The following CDC123 variants were observed in gnomAD, a reference collection of about 807,000 sequenced individuals.
The protein encoded by CDC123 is translation initiation factor eIF2 assembly protein.
A neutral mutation model predicts 54.4 loss-of-function variants in CDC123; 37 were observed. The ratio of observed to expected loss-of-function variants is 0.68; its 90% confidence interval spans 0.52 to 0.89. The LOEUF (loss-of-function observed/expected upper bound fraction) is 0.89. CDC123 is among the 40% of genes least tolerant of loss of function. CDC123 has a pLI of 0.00. For missense variants in CDC123, 361 were observed against 412.1 expected (o/e 0.88, Z 1.07); for synonymous variants, 144 against 136.8 (o/e 1.05, Z -0.37).
rs544703439 is a variant in CDC123 at position 12,218,531 on chromosome 10, G to A, written c.440+1064G>A. Among the ~76,000 whole-genome samples, 10 of 152,246 alleles carry A rather than the reference G, an allele frequency of 6.6e-5. No homozygotes were observed. The South Asian group carries it at 1.2e-3, about 19-fold the overall frequency. On this transcript the variant is annotated intron_variant, in intron 6 of 12. Transcript: ENST00000281141. ...TAGGCTTACAGGTGTGAGCCACCACGCCAAGCCTGTGGTTTATATTTCTTA... is the reference window on the plus strand; with the variant it reads ...TAGGCTTACAGGTGTGAGCCACCACACCAAGCCTGTGGTTTATATTTCTTA...
At position 12,236,548 on chromosome 10, in the gene CDC123, A is replaced by G. The variant is rs377627431; in HGVS notation, c.566-596A>G. Among the ~76,000 whole-genome samples, 40 of 151,242 alleles carry G rather than the reference A, an allele frequency of 2.6e-4. No individual in the cohort carries two copies. The East Asian group carries it at 5.7e-3, about 22-fold the overall frequency. On this transcript the variant is annotated intron_variant, in intron 8 of 12. Transcript: ENST00000281141. ...CAGAAAGTGGAGGTTGTAATAAGCT[A>G]TGATTGTGCCACTGTACCCCAGCCT...
chr10:12,222,347 C>T (rs947209960), intron 6 of CDC123, among the ~76,000 whole-genome samples: 7 of 152,118 alleles, frequency 4.6e-5, no homozygotes, highest in Middle Eastern at 3.2e-3. Flanking sequence ...TGGCCGGGCG[C>T]GGTGGCTCAC....
rs567368804 is a variant in CDC123 at position 12,232,728 on chromosome 10, T to G, written c.489+1732T>G. Reference sequence around the variant, plus strand: ...CTTCACGCAACGAACATCTGTCTATTAAGTACCTGGCTGTGGTGCTTTCTG... The same window carrying G: ...CTTCACGCAACGAACATCTGTCTATGAAGTACCTGGCTGTGGTGCTTTCTG... On this transcript the variant is annotated intron_variant, in intron 7 of 12. Transcript: ENST00000281141. Among the ~76,000 whole-genome samples, 131 of 152,244 alleles carry G rather than the reference T, an allele frequency of 8.6e-4. 1 individual carries two copies. Among genetic ancestry groups the G allele is most frequent in the African/African-American group, 3.1e-3 (130 of 41,562 alleles).
chr10:12,212,931 G>C (rs1351783817), intron 4 of CDC123, among the ~76,000 whole-genome samples: 1 of 152,142 alleles, frequency 6.6e-6, no homozygotes, highest in Non-Finnish European at 1.5e-5. Context: ...TATAAGAATA[G>C]GTTATGACCT....
intron 6 of CDC123, among the ~76,000 whole-genome samples, chr10:12,230,424 C>A (rs986276277): frequency 6.6e-6 from 1 of 152,166 alleles, no homozygotes; most frequent in Non-Finnish European, 1.5e-5. Context: ...AACTCCTGAC[C>A]TCAAGTGATC....
At chr10:12,198,881 C>G (rs1274367788) in intron 2 of CDC123, 105 bp downstream of exon 2, 3 of 682,598 alleles carry the variant, frequency 4.4e-6, no homozygotes, top group Non-Finnish European at 7.9e-6. Context: ...CTTTTTCTCT[C>G]CTAGCCAAAA....
rs766899256 is a variant in CDC123, at chr10:12,249,561, CCTTTTT to C, written c.847-16_847-11del. The C allele has an allele frequency of 1.5e-5, 24 of 1,601,190 alleles. No homozygotes were observed. The highest frequency in any genetic ancestry group is 2.0e-5 in the Non-Finnish European group (24 of 1,176,332). ...AAAATAAATGATTGATATTCTTTCT[CCTTTTT>C]CTTCTTTGTACAGGATTCCCCAGCT... On this transcript the variant is annotated splice_polypyrimidine_tract_variant and intron_variant, in intron 11 of 12. Coordinates refer to ENST00000281141, the MANE Select transcript of CDC123 (RefSeq NM_006023.3).
At chr10:12,200,119 C>CTTTTTTTTT (rs1564431631) in intron 2 of CDC123, among the ~76,000 whole-genome samples, 1 of 24,272 alleles carries the variant, frequency 4.1e-5, no homozygotes, top group Non-Finnish European at 9.1e-5. Context: ...CCGCACTCGG[C>CTTTTTTTTT]ATTTTTTTTT....
intron 2 of CDC123, 155 bp downstream of exon 2, chr10:12,198,931 C>T (rs772220688): frequency 7.8e-5 from 43 of 552,240 alleles, no homozygotes; most frequent in Non-Finnish European, 1.1e-4. Flanking sequence ...TCTCAATGTT[C>T]ACTTAATATT....
chr10:12,220,270 C>G (rs1253130813), intron 6 of CDC123, among the ~76,000 whole-genome samples: 1 of 152,184 alleles, frequency 6.6e-6, no homozygotes. Flanking sequence ...ATTTAATGAT[C>G]AGCTGCCTCC....
chr10:12,204,992 C>CAAAA (rs35683792), intron 2 of CDC123, among the ~76,000 whole-genome samples: 2 of 64,474 alleles, frequency 3.1e-5, no homozygotes, highest in Non-Finnish European at 6.5e-5. Context: ...GACTCCATAT[C>CAAAA]AAAAAAAAAA....
At chr10:12,222,179 A>G (rs1183703265) in intron 6 of CDC123, among the ~76,000 whole-genome samples, 3 of 152,252 alleles carry the variant, frequency 2.0e-5, no homozygotes, top group African/African-American at 7.2e-5. Context: ...TCCAGGTTCC[A>G]TTGGACAGGC....
At chr10:12,206,549 T>C (rs192509131) in intron 2 of CDC123, among the ~76,000 whole-genome samples, 4 of 152,302 alleles carry the variant, frequency 2.6e-5, no homozygotes, top group African/African-American at 7.2e-5. Context: ...CAGTGGCTCA[T>C]GCCTGTAATC....
At chr10:12,229,567 A>T (rs904810461) in intron 6 of CDC123, among the ~76,000 whole-genome samples, 10 of 152,166 alleles carry the variant, frequency 6.6e-5, no homozygotes, top group African/African-American at 2.4e-4. Context: ...CCCCTCCGAC[A>T]CACAGCAGCC....
Position 12,246,229 on chromosome 10 carries a change from T to G in CDC123, c.798T>G (p.Ser266=), listed in dbSNP as rs746370567. The part of the protein sequence containing the change: ...SLLFTWEELI[S]ENNLNGDFSE... ...TGTTCACCTGGGAAGAACTGATATC[T>G]GAGAACAACTTAAACGGCGATTTTA... Residue 266 remains serine, a synonymous_variant, in exon 11 of 13, where the codon TCT becomes TCG. Coordinates refer to ENST00000281141, the MANE Select transcript of CDC123 (RefSeq NM_006023.3). The G allele has an allele frequency of 6.2e-7, 1 of 1,614,178 alleles. No homozygotes were observed. The highest frequency in any genetic ancestry group is 1.3e-5 in the African/African-American group (1 of 75,054).
chr10:12,208,994 A>G (rs1835558866), intron 2 of CDC123, among the ~76,000 whole-genome samples: 2 of 152,200 alleles, frequency 1.3e-5, no homozygotes, highest in Non-Finnish European at 2.9e-5. Flanking sequence ...TTGCCCCCAC[A>G]GTAGTTCCAT....
intron 2 of CDC123, among the ~76,000 whole-genome samples, chr10:12,204,151 T>C (rs1835482699): frequency 1.3e-5 from 2 of 151,708 alleles, no homozygotes; most frequent in African/African-American, 4.8e-5. Flanking sequence ...GGGGTTTAAT[T>C]AATCACTGTG....
At chr10:12,216,648 T>C (rs1835669036) in intron 5 of CDC123, among the ~76,000 whole-genome samples, 2 of 152,304 alleles carry the variant, frequency 1.3e-5, no homozygotes, top group African/African-American at 4.8e-5. Flanking sequence ...TTTTCTTCCA[T>C]GTAGTGTGGA....
chr10:12,236,435 C>CA (rs1835977217), intron 8 of CDC123, among the ~76,000 whole-genome samples: 1 of 151,894 alleles, frequency 6.6e-6, no homozygotes. Context: ...CCCGTCTCTA[C>CA]AAAAAATAAA....
Sources: allele counts gnomAD v4.1 joint callset (sites outside exome capture counted in the v4.1 genomes callset), GRCh38; gene constraint gnomAD v4.1.1; transcripts MANE v1.5; gene names NCBI Gene and HGNC (gene_info 2026-07-23, HGNC 2026-07-21).